Variants in WWOX observed in about 807,000 individuals in gnomAD.
WWOX encodes WW domain containing oxidoreductase, also known as WW domain-containing oxidoreductase.
Under a neutral mutation model 46.2 loss-of-function variants are expected in WWOX, and 69 were observed. The observed-to-expected ratio is 1.49, with a 90% CI of 1.23 to 1.82. The LOEUF (loss-of-function observed/expected upper bound fraction) is 1.82, where lower values mean the gene tolerates loss of function less well. Ranked by LOEUF, WWOX falls within the 40% of genes most tolerant of loss-of-function variation. The pLI is 0.00. For synonymous variants in WWOX, 359 were observed against 202.6 expected (o/e 1.77, Z -6.56); for missense variants, 919 against 542.6 (o/e 1.69, Z -6.89).
intron 1 of WWOX, chr16:78,100,207 A>T: frequency 8.4e-7 from 1 of 1,185,472 alleles, no homozygotes; most frequent in Non-Finnish European, 1.1e-6. Context: ...GCACATGCTC[A>T]GCTCCCTCCT....
chr16:79,082,024 A>C (rs867733549), intron 8 of WWOX, among the ~76,000 whole-genome samples: 2 of 152,166 alleles, frequency 1.3e-5, no homozygotes, highest in Non-Finnish European at 2.9e-5. Flanking sequence ...TAAGCACAGG[A>C]GTGTGGTTTA....
intron 8 of WWOX, among the ~76,000 whole-genome samples, chr16:78,943,644 C>T (rs1192981864): frequency 6.6e-6 from 1 of 152,128 alleles, no homozygotes; most frequent in Admixed American, 6.5e-5. Flanking sequence ...GGCCTGGACG[C>T]AGCTGAAAAA....
intron 8 of WWOX, chr16:78,873,400 C>G (rs1265356816): frequency 6.6e-6 from 1 of 151,944 alleles, no homozygotes; most frequent in African/African-American, 2.4e-5. Flanking sequence ...TTTTAAATAG[C>G]AGCACAAATA....
At chr16:79,172,509 A>G (rs879358816) in intron 8 of WWOX, among the ~76,000 whole-genome samples, 6 of 151,914 alleles carry the variant, frequency 3.9e-5, no homozygotes, top group Non-Finnish European at 7.4e-5. Flanking sequence ...CCCTACATAA[A>G]TGTTTGCTCC....
At chr16:79,133,227 T>A (rs1219480617) in intron 8 of WWOX, among the ~76,000 whole-genome samples, 2 of 152,198 alleles carry the variant, frequency 1.3e-5, no homozygotes, top group African/African-American at 4.8e-5. Context: ...ATGAAACGCA[T>A]TTCATGGTTC....
intron 8 of WWOX, among the ~76,000 whole-genome samples, chr16:78,591,852 C>T (rs964903125): frequency 6.6e-6 from 1 of 152,180 alleles, no homozygotes; most frequent in Non-Finnish European, 1.5e-5. Flanking sequence ...AAAAGGTACT[C>T]AGTGCAGCCT....
chr16:78,170,155 C>T (rs1414880132), intron 5 of WWOX, among the ~76,000 whole-genome samples: 2 of 152,138 alleles, frequency 1.3e-5, no homozygotes, highest in Admixed American at 1.3e-4. Context: ...CAGGCATTGC[C>T]AGATGTCTCT....
intron 8 of WWOX, among the ~76,000 whole-genome samples, chr16:78,642,967 T>C (rs1318361748): frequency 1.3e-5 from 2 of 152,170 alleles, no homozygotes; most frequent in Admixed American, 1.3e-4. Flanking sequence ...TCCCGGTGAT[T>C]CTCTAAGGAT....
chr16:78,395,361 T>G (rs2082261516), intron 6 of WWOX, among the ~76,000 whole-genome samples: 1 of 152,000 alleles, frequency 6.6e-6, no homozygotes, highest in Admixed American at 6.6e-5. Context: ...TCTACAAAAA[T>G]TACAGAAATT....
At chr16:78,811,692 G>C (rs1021010100) in intron 8 of WWOX, among the ~76,000 whole-genome samples, 22 of 151,850 alleles carry the variant, frequency 1.4e-4, no homozygotes, top group African/African-American at 4.6e-4. Context: ...TTCTTATAAG[G>C]CTACTAATCC....
intron 8 of WWOX, among the ~76,000 whole-genome samples, chr16:78,911,532 A>G (rs1239574519): frequency 1.3e-5 from 2 of 151,962 alleles, no homozygotes; most frequent in East Asian, 3.9e-4. Flanking sequence ...AATTGAATGA[A>G]ATAAGACTCT....
rs368976192 is a variant in WWOX, at chr16:78,345,702, A to G, written c.517-41158A>G. Among the ~76,000 whole-genome samples, 40 of 111,706 alleles carry G rather than the reference A, an allele frequency of 3.6e-4. 6 individuals carry two copies. Among genetic ancestry groups the G allele is most frequent in the Admixed American group, 3.0e-3 (33 of 11,052 alleles). The allele number at this position is 111,706 out of a possible 152,430, so 73.3% of individuals were successfully genotyped here. A position where few individuals can be genotyped will look rare whatever the true frequency, so the allele number is the denominator to read the frequency against. ...TGGGAAGTCCCTTATACAGTTTGTG[A>G]TATGGGTACACACTCAGTGAAATGG... On this transcript the variant is annotated intron_variant, in intron 5 of 8. Coordinates refer to ENST00000566780, the MANE Select transcript of WWOX (RefSeq NM_016373.4).
chr16:79,003,716 T>C (rs2047138658), intron 8 of WWOX, among the ~76,000 whole-genome samples: 1 of 152,080 alleles, frequency 6.6e-6, no homozygotes, highest in Non-Finnish European at 1.5e-5. Flanking sequence ...CTCAGGGTGA[T>C]TGGATTCTTG....
At chr16:78,422,684 T>TATATATATATATATATATACATAC (rs1263877025) in intron 6 of WWOX, among the ~76,000 whole-genome samples, 1 of 52,970 alleles carries the variant, frequency 1.9e-5, no homozygotes, top group Non-Finnish European at 3.3e-5. Flanking sequence ...TATATATATA[T>TATATATATATATATATATACATAC]ACACACACAC....
At chr16:79,148,628 A>C (rs985761061) in intron 8 of WWOX, among the ~76,000 whole-genome samples, 1 of 152,192 alleles carries the variant, frequency 6.6e-6, no homozygotes, top group Non-Finnish European at 1.5e-5. Context: ...TGGGGTTTAA[A>C]TCTATAGGTC....
chr16:78,755,089 T>C (rs1192203813), intron 8 of WWOX, among the ~76,000 whole-genome samples: 2 of 151,076 alleles, frequency 1.3e-5, no homozygotes, highest in African/African-American at 2.4e-5. Context: ...AGGACACATA[T>C]CTAATGCATG....
At chr16:78,952,235 C>CTT (rs2151303244) in intron 8 of WWOX, among the ~76,000 whole-genome samples, 1 of 152,214 alleles carries the variant, frequency 6.6e-6, no homozygotes, top group Admixed American at 6.5e-5. Flanking sequence ...TCTACTCAGT[C>CTT]TTTATATTTC....
Position 79,212,391 on chromosome 16 carries a change from A to G in WWOX, c.*595A>G. 1 of 468,472 alleles carries G rather than the reference A, an allele frequency of 2.1e-6. No homozygotes were observed. Among genetic ancestry groups the G allele is most frequent in the Non-Finnish European group, 3.7e-6 (1 of 267,088 alleles). 29.0% of individuals were successfully genotyped at this position (468,472 alleles called of 1,614,324 possible). ...AGAATACGCAGAACTACCAGGTGGC[A>G]AAGTACTTGTCATAGACTCCTTTGC... On this transcript the variant is annotated 3_prime_UTR_variant, in exon 9 of 9. Coordinates refer to ENST00000566780, the MANE Select transcript of WWOX (RefSeq NM_016373.4).
chr16:79,020,435 T>A (rs1010442344), intron 8 of WWOX, among the ~76,000 whole-genome samples: 2 of 152,130 alleles, frequency 1.3e-5, no homozygotes, highest in Non-Finnish European at 2.9e-5. Context: ...TGTGGCTCAG[T>A]TTCTTCATAT....
Sources: allele counts gnomAD v4.1 joint callset (sites outside exome capture counted in the v4.1 genomes callset), GRCh38; gene constraint gnomAD v4.1.1; transcripts MANE v1.5; gene names NCBI Gene and HGNC (gene_info 2026-07-23, HGNC 2026-07-21).